The following ZNF407 variants were observed in gnomAD, a reference collection of about 807,000 sequenced individuals.
ZNF407 encodes zinc finger protein 407.
A neutral mutation model predicts 131.2 loss-of-function variants in ZNF407; 17 were observed. The ratio of observed to expected loss-of-function variants is 0.13; its 90% confidence interval spans 0.09 to 0.19. The LOEUF is 0.19. Among genes scored for constraint, ZNF407 ranks in the 10% least tolerant of loss-of-function variants. ZNF407 has a pLI of 1.00. For synonymous variants in ZNF407, 1,156 were observed against 1,062.0 expected (o/e 1.09, Z -1.72); for missense variants, 2,681 against 2,830.6 (o/e 0.95, Z 1.20).
chr18:74,664,822 G>A (rs1301748354), intron 3 of ZNF407, among the ~76,000 whole-genome samples: 1 of 152,040 alleles, frequency 6.6e-6, no homozygotes, highest in Non-Finnish European at 1.5e-5. Context: ...CTGCTCATTA[G>A]CACCAGGCAG....
chr18:75,003,456 C>A (rs556228555), intron 8 of ZNF407, among the ~76,000 whole-genome samples: 1 of 151,998 alleles, frequency 6.6e-6, no homozygotes, highest in East Asian at 1.9e-4. Context: ...GGATTTGTTT[C>A]AAAAAAAATT....
chr18:75,039,267 T>A (rs920449074), intron 8 of ZNF407, among the ~76,000 whole-genome samples: 1 of 152,254 alleles, frequency 6.6e-6, no homozygotes, highest in Non-Finnish European at 1.5e-5. Context: ...TTTACACTGA[T>A]GATTTCAGTA....
chr18:74,815,907 A>T (rs896324143), intron 4 of ZNF407, among the ~76,000 whole-genome samples: 6 of 152,208 alleles, frequency 3.9e-5, no homozygotes, highest in African/African-American at 1.4e-4. Context: ...CAAACAAAAC[A>T]AAGCAATAGT....
At chr18:74,923,700 G>A (rs920507741) in intron 8 of ZNF407, among the ~76,000 whole-genome samples, 1 of 152,112 alleles carries the variant, frequency 6.6e-6, no homozygotes, top group Non-Finnish European at 1.5e-5. Context: ...TAAATACTCA[G>A]AACTTAGGGT....
intron 3 of ZNF407, among the ~76,000 whole-genome samples, chr18:74,721,453 C>A (rs1229332692): frequency 6.6e-6 from 1 of 152,116 alleles, no homozygotes; most frequent in Non-Finnish European, 1.5e-5. Flanking sequence ...GTCACATTGT[C>A]CCTGTTTGCA....
chr18:74,800,514 A>G (rs1489716425), intron 4 of ZNF407, among the ~76,000 whole-genome samples: 1 of 152,070 alleles, frequency 6.6e-6, no homozygotes, highest in Non-Finnish European at 1.5e-5. Flanking sequence ...AACGGAAATG[A>G]ACGTTTAACC....
chr18:74,930,136 A>G (rs1197853531), intron 8 of ZNF407, among the ~76,000 whole-genome samples: 1 of 152,186 alleles, frequency 6.6e-6, no homozygotes, highest in African/African-American at 2.4e-5. Context: ...TTTAGTTGCC[A>G]TGTCTTCTTG....
In ZNF407 at chr18:74,656,109, G is replaced by A. The variant is rs931370458; in HGVS notation, c.4802+14987G>A. ...GTATACATTTATCATTATAATAGAG[G>A]CAGATTAGGAAATGGGCCACAATTG... On this transcript the variant is annotated intron_variant, in intron 3 of 8. Coordinates refer to ENST00000299687, the MANE Select transcript of ZNF407 (RefSeq NM_017757.3). Among the ~76,000 whole-genome samples, 3 of 151,970 alleles carry A rather than the reference G, an allele frequency of 2.0e-5. No individual in the cohort carries two copies. The South Asian group carries it at 6.2e-4, about 32-fold the overall frequency.
Position 74,655,605 on chromosome 18 carries a change from C to T in ZNF407, c.4802+14483C>T, listed in dbSNP as rs995459512. Among the ~76,000 whole-genome samples, 6 of 152,114 alleles carry T rather than the reference C, an allele frequency of 3.9e-5. No individual in the cohort carries two copies. In the East Asian group the frequency reaches 9.6e-4, roughly 24 times the overall value. On this transcript the variant is annotated intron_variant, in intron 3 of 8. Coordinates refer to ENST00000299687, the MANE Select transcript of ZNF407 (RefSeq NM_017757.3). ...ATTTATTGTGTATGTGTGGGTTTTGCATGCAACAAAAAATTGGAAAGGGGC... is the reference window on the plus strand; with the variant it reads ...ATTTATTGTGTATGTGTGGGTTTTGTATGCAACAAAAAATTGGAAAGGGGC...
intron 3 of ZNF407, among the ~76,000 whole-genome samples, chr18:74,758,799 C>G (rs946909958): frequency 6.6e-6 from 1 of 152,036 alleles, no homozygotes; most frequent in Non-Finnish European, 1.5e-5. Context: ...AGGCTGGTCT[C>G]GAACTCCTGA....
intron 4 of ZNF407, among the ~76,000 whole-genome samples, chr18:74,803,028 C>T (rs1970047510): frequency 6.6e-6 from 1 of 151,936 alleles, no homozygotes; most frequent in South Asian, 2.1e-4. Context: ...TATAATGTTA[C>T]CTTTCTTTTT....
At chr18:74,668,108 G>C (rs940198047) in intron 3 of ZNF407, among the ~76,000 whole-genome samples, 2 of 152,066 alleles carry the variant, frequency 1.3e-5, no homozygotes, top group Admixed American at 6.5e-5. Context: ...CTCCAAAATC[G>C]GAAGGTTTCT....
At chr18:74,997,514 A>G (rs1179604860) in intron 8 of ZNF407, among the ~76,000 whole-genome samples, 1 of 152,194 alleles carries the variant, frequency 6.6e-6, no homozygotes, top group Non-Finnish European at 1.5e-5. Flanking sequence ...ATAAATAAAA[A>G]GACTAAATGT....
intron 4 of ZNF407, among the ~76,000 whole-genome samples, chr18:74,837,934 G>A (rs148584589): frequency 5.9e-5 from 9 of 152,298 alleles, no homozygotes; most frequent in South Asian, 2.1e-4. Flanking sequence ...GATTACAGGC[G>A]TGACCCACTG....
intron 3 of ZNF407, among the ~76,000 whole-genome samples, chr18:74,724,076 C>G (rs1235482033): frequency 2.6e-5 from 4 of 151,838 alleles, no homozygotes; most frequent in African/African-American, 9.7e-5. Flanking sequence ...CTGGGAGAAG[C>G]TAATAAATTG....
intron 8 of ZNF407, among the ~76,000 whole-genome samples, chr18:74,930,996 A>G (rs1019845211): frequency 2.6e-5 from 4 of 152,234 alleles, no homozygotes; most frequent in Non-Finnish European, 5.9e-5. Context: ...AAGTGTAGGT[A>G]TGTATACTAA....
chr18:75,065,520 T>A lies in ZNF407; in HGVS notation c.*1052T>A, dbSNP rs1973702751. ...TGTCCTCGTGGATTCACTGCAGCTGTCGGATGCGAGTTTCTGTCATAATCA... is the reference window on the plus strand; with the variant it reads ...TGTCCTCGTGGATTCACTGCAGCTGACGGATGCGAGTTTCTGTCATAATCA... On this transcript the variant is annotated 3_prime_UTR_variant, in exon 9 of 9. Coordinates refer to ENST00000299687, the MANE Select transcript of ZNF407 (RefSeq NM_017757.3). 1 of 152,260 alleles carries A rather than the reference T, an allele frequency of 6.6e-6. No individual in the cohort carries two copies. The highest frequency in any genetic ancestry group is 2.1e-4 in the South Asian group (1 of 4,834). 9.4% of individuals were successfully genotyped at this position (152,260 alleles called of 1,614,324 possible). A position where few individuals can be genotyped will look rare whatever the true frequency, so the allele number is the denominator to read the frequency against.
At chr18:74,859,192 A>G (rs1022771217) in intron 4 of ZNF407, among the ~76,000 whole-genome samples, 1 of 152,250 alleles carries the variant, frequency 6.6e-6, no homozygotes, top group Admixed American at 6.5e-5. Flanking sequence ...GTTGAAAGTT[A>G]TAGCTGAAAT....
In ZNF407 at chr18:75,064,936, A is replaced by G. The variant is rs1040818151; in HGVS notation, c.*468A>G. The G allele has an allele frequency of 6.5e-6, 1 of 153,882 alleles. No individual in the cohort carries two copies. Among genetic ancestry groups the G allele is most frequent in the African/African-American group, 2.4e-5 (1 of 41,414 alleles). 9.5% of individuals were successfully genotyped at this position (153,882 alleles called of 1,614,324 possible). On this transcript the variant is annotated 3_prime_UTR_variant, in exon 9 of 9. Coordinates refer to ENST00000299687, the MANE Select transcript of ZNF407 (RefSeq NM_017757.3). ...CAGCATGTAGCTGCCTTTCCATTTCATTCTCTACTGGGCTAAAAATTGCAG... is the reference window on the plus strand; with the variant it reads ...CAGCATGTAGCTGCCTTTCCATTTCGTTCTCTACTGGGCTAAAAATTGCAG...
Sources: allele counts gnomAD v4.1 joint callset (sites outside exome capture counted in the v4.1 genomes callset), GRCh38; gene constraint gnomAD v4.1.1; transcripts MANE v1.5; gene names NCBI Gene and HGNC (gene_info 2026-07-23, HGNC 2026-07-21).